The following FAM227B variants were observed in gnomAD, a reference collection of about 807,000 sequenced individuals.
FAM227B encodes the protein family with sequence similarity 227 member B, also known as protein FAM227B.
FAM227B carries 88 observed loss-of-function variants against 73.8 expected under a neutral mutation model. The observed-to-expected ratio is 1.19, with a 90% CI of 1.00 to 1.42. The LOEUF is 1.42. Ranked by LOEUF, FAM227B falls within the 40% of genes most tolerant of loss-of-function variation. The pLI is 0.00. For missense variants in FAM227B, 632 were observed against 590.9 expected (o/e 1.07, Z -0.72); for synonymous variants, 210 against 190.5 (o/e 1.10, Z -0.84).
Position 49,365,742 on chromosome 15 carries a change from C to A in FAM227B, c.1271+1706G>T, listed in dbSNP as rs1265059178. The stretch of plus-strand genomic sequence containing the variant: ...CAATCTCCAAGATATCTTGTAAAAT[C>A]CAAGCCCACCTGTCTTCATTTTGAA... On this transcript the variant is annotated intron_variant, in intron 13 of 15. Transcript: ENST00000299338. 5.7e-6 allele frequency: 5 copies of A among 871,824 alleles called. No individual in the cohort carries two copies. In the East Asian group the frequency reaches 9.7e-5, roughly 17 times the overall value. 54.0% of individuals were successfully genotyped at this position (871,824 alleles called of 1,614,324 possible).
chr15:49,519,971 ACAT>A (rs2059665506), intron 10 of FAM227B, among the ~76,000 whole-genome samples: 1 of 152,024 alleles, frequency 6.6e-6, no homozygotes, highest in Admixed American at 6.6e-5. Flanking sequence ...ATTTGTGAAT[ACAT>A]AAAGCTGAAT....
intron 14 of FAM227B, among the ~76,000 whole-genome samples, chr15:49,332,453 C>A (rs1268575876): frequency 1.3e-5 from 2 of 152,058 alleles, no homozygotes; most frequent in African/African-American, 4.8e-5. Flanking sequence ...ATATCTGTCA[C>A]CAAGTATTCA....
chr15:49,370,741 A>G (rs1475801946), intron 12 of FAM227B, among the ~76,000 whole-genome samples: 2 of 152,220 alleles, frequency 1.3e-5, no homozygotes, highest in Non-Finnish European at 2.9e-5. Context: ...TAAGATATCA[A>G]ATTCAGAATT....
At chr15:49,542,007 A>G (rs2071142724) in intron 9 of FAM227B, among the ~76,000 whole-genome samples, 1 of 152,156 alleles carries the variant, frequency 6.6e-6, no homozygotes. Flanking sequence ...GAACTGGAAT[A>G]TGTTTCAGTA....
At chr15:49,553,592 G>C (rs745321369) in intron 9 of FAM227B, among the ~76,000 whole-genome samples, 1 of 152,180 alleles carries the variant, frequency 6.6e-6, no homozygotes, top group Non-Finnish European at 1.5e-5. Context: ...AAACCTTAGA[G>C]CTGGCACTCA....
chr15:49,523,824 G>A (rs2059955409), intron 10 of FAM227B, among the ~76,000 whole-genome samples: 1 of 152,216 alleles, frequency 6.6e-6, no homozygotes, highest in South Asian at 2.1e-4. Flanking sequence ...GGAAACTGGA[G>A]CAAAGGTGAC....
At chr15:49,372,617 C>T (rs1258861563) in intron 11 of FAM227B, among the ~76,000 whole-genome samples, 3 of 152,096 alleles carry the variant, frequency 2.0e-5, no homozygotes, top group Admixed American at 6.5e-5. Context: ...CAGAGGGATT[C>T]GTGCCACTTC....
intron 9 of FAM227B, among the ~76,000 whole-genome samples, chr15:49,546,182 C>G (rs2071843190): frequency 6.6e-6 from 1 of 151,932 alleles, no homozygotes; most frequent in Non-Finnish European, 1.5e-5. Flanking sequence ...TTGTTCAATT[C>G]CCACCTATGA....
intron 11 of FAM227B, among the ~76,000 whole-genome samples, chr15:49,438,147 G>A (rs970196594): frequency 7.9e-5 from 12 of 151,620 alleles, no homozygotes; most frequent in African/African-American, 2.7e-4. Flanking sequence ...AGACTGCAGG[G>A]AAGTCTCATA....
intron 11 of FAM227B, among the ~76,000 whole-genome samples, chr15:49,470,581 AAAATG>A (rs1398605366): frequency 3.3e-5 from 5 of 152,184 alleles, no homozygotes; most frequent in African/African-American, 1.2e-4. Context: ...CTTAATTCTC[AAAATG>A]ACCTGTGTTT....
chr15:49,355,844 G>C (rs576535895), intron 13 of FAM227B, among the ~76,000 whole-genome samples: 7 of 152,272 alleles, frequency 4.6e-5, no homozygotes, highest in Non-Finnish European at 7.4e-5. Flanking sequence ...TAGAGAGAAA[G>C]GTCGGGTCAC....
intron 10 of FAM227B, among the ~76,000 whole-genome samples, chr15:49,516,398 C>T (rs888270093): frequency 9.9e-5 from 15 of 152,110 alleles, no homozygotes; most frequent in Non-Finnish European, 1.5e-5. Flanking sequence ...ACTGCATCTC[C>T]TCCAGGTAAA....
chr15:49,518,299 T>A (rs371272747), intron 10 of FAM227B, among the ~76,000 whole-genome samples: 1 of 152,266 alleles, frequency 6.6e-6, no homozygotes, highest in East Asian at 1.9e-4. Context: ...TTTATAGGAT[T>A]TTAAGATGGC....
At chr15:49,503,563 T>C (rs1165594263) in intron 11 of FAM227B, among the ~76,000 whole-genome samples, 1 of 151,774 alleles carries the variant, frequency 6.6e-6, no homozygotes, top group Non-Finnish European at 1.5e-5. Context: ...TACAAAGAAC[T>C]CAAACAAATT....
chr15:49,514,042 T>A (rs1232636822), intron 10 of FAM227B, among the ~76,000 whole-genome samples: 1 of 152,182 alleles, frequency 6.6e-6, no homozygotes, highest in South Asian at 2.1e-4. Flanking sequence ...TGCCTCCAGC[T>A]TTGTTCTTTT....
intron 13 of FAM227B, among the ~76,000 whole-genome samples, chr15:49,345,429 T>C (rs1239726705): frequency 6.6e-6 from 1 of 152,242 alleles, no homozygotes; most frequent in Non-Finnish European, 1.5e-5. Flanking sequence ...GTGATGGTTT[T>C]CAGTAGATTT....
chr15:49,395,718 T>A (rs2047534295), intron 11 of FAM227B, among the ~76,000 whole-genome samples: 1 of 152,238 alleles, frequency 6.6e-6, no homozygotes, highest in South Asian at 2.1e-4. Context: ...GTCTCTATGA[T>A]GTCTTTTACA....
chr15:49,364,678 C>T (rs570093849), intron 13 of FAM227B, among the ~76,000 whole-genome samples: 3 of 152,132 alleles, frequency 2.0e-5, no homozygotes, highest in South Asian at 2.1e-4. Flanking sequence ...AAATTTTCAC[C>T]GTTGAACTGC....
intron 11 of FAM227B, among the ~76,000 whole-genome samples, chr15:49,477,892 ATTG>A (rs1256751016): frequency 4.6e-5 from 7 of 152,208 alleles, no homozygotes; most frequent in Middle Eastern, 3.4e-3. Context: ...GAGGTATCTC[ATTG>A]TTGTTTTAAT....
Sources: allele counts gnomAD v4.1 joint callset (sites outside exome capture counted in the v4.1 genomes callset), GRCh38; gene constraint gnomAD v4.1.1; transcripts MANE v1.5; gene names NCBI Gene and HGNC (gene_info 2026-07-23, HGNC 2026-07-21).